EHHADH: variants seen among roughly 807,000 people sequenced by gnomAD.
EHHADH encodes the protein enoyl-CoA hydratase and 3-hydroxyacyl CoA dehydrogenase.
In EHHADH, 48 loss-of-function variants were observed where a neutral mutation model predicts 64.4. The observed-to-expected ratio is 0.75, with a 90% CI of 0.59 to 0.95. EHHADH has a LOEUF of 0.95. Among genes scored for constraint, EHHADH ranks in the 40% least tolerant of loss-of-function variants. The pLI is 0.00. For synonymous variants in EHHADH, 308 were observed against 326.7 expected (o/e 0.94, Z 0.62); for missense variants, 854 against 876.6 (o/e 0.97, Z 0.33).
At chr3:185,226,004 A>ATATC (rs752592327) in intron 4 of EHHADH, among the ~76,000 whole-genome samples, 2 of 152,112 alleles carry the variant, frequency 1.3e-5, no homozygotes, top group Admixed American at 6.5e-5. Flanking sequence ...CCACCTGTCT[A>ATATC]TATCTATCTA....
chr3:185,206,913 C>A (rs1052828313), intron 5 of EHHADH, among the ~76,000 whole-genome samples: 3 of 151,554 alleles, frequency 2.0e-5, no homozygotes, highest in East Asian at 3.9e-4. Context: ...ACACCCCCCC[C>A]ACCAAATGTT....
chr3:185,195,928 A>G (rs982647976), intron 6 of EHHADH, among the ~76,000 whole-genome samples: 11 of 152,228 alleles, frequency 7.2e-5, no homozygotes, highest in Admixed American at 5.9e-4. Flanking sequence ...AATCTAAAAT[A>G]AAATTAAAAA....
At chr3:185,209,148 A>T (rs1188091681) in intron 5 of EHHADH, among the ~76,000 whole-genome samples, 1 of 152,210 alleles carries the variant, frequency 6.6e-6, no homozygotes, top group Admixed American at 6.5e-5. Flanking sequence ...TAAAACTGTT[A>T]AAGTGTATCT....
intron 4 of EHHADH, among the ~76,000 whole-genome samples, chr3:185,226,650 C>CAAAAAAAAAAAAAAAA (rs59522852): frequency 7.5e-6 from 1 of 133,296 alleles, no homozygotes; most frequent in Admixed American, 7.8e-5. Context: ...ACTCCATCTC[C>CAAAAAAAAAAAAAAAA]AAAAAAAAAA....
rs1254288261 is a variant in EHHADH at position 185,192,524 on chromosome 3, T to C, written c.1874A>G (p.Tyr625Cys). ...ACGGAATGCTTCATTGATAAGTGAA[T>C]ATAAGCAGCGTTCAAGGATCTCATC... is the stretch of plus-strand genomic sequence containing the variant. ...SQDEILERCL[Y>C]SLINEAFRIL... The change falls in exon 7 of 7, where the codon TAT becomes TGT. Residue 625 changes from tyrosine to cysteine, a missense_variant. Coordinates refer to ENST00000231887, the MANE Select transcript of EHHADH (RefSeq NM_001966.4). 4.3e-6 allele frequency: 7 copies of C among 1,614,196 alleles called. No individual in the cohort carries two copies. Among genetic ancestry groups the C allele is most frequent in the Non-Finnish European group, 5.1e-6 (6 of 1,180,032 alleles).
intron 4 of EHHADH, among the ~76,000 whole-genome samples, chr3:185,222,636 T>C (rs1303675141): frequency 5.3e-5 from 8 of 152,230 alleles, no homozygotes; most frequent in Non-Finnish European, 1.2e-4. Context: ...TGTTGTGATA[T>C]CACAAGGCAT....
chr3:185,196,025 C>A (rs975915575), intron 6 of EHHADH, among the ~76,000 whole-genome samples: 1 of 152,180 alleles, frequency 6.6e-6, no homozygotes, highest in African/African-American at 2.4e-5. Flanking sequence ...TCTTTCTTAT[C>A]TCCTCCTTAA....
intron 4 of EHHADH, among the ~76,000 whole-genome samples, chr3:185,223,855 C>G (rs1011606072): frequency 7.2e-5 from 11 of 152,178 alleles, no homozygotes; most frequent in African/African-American, 2.7e-4. Flanking sequence ...GAAAGAGGAG[C>G]AGGACACTGT....
chr3:185,230,041 G>A (rs1719111007), intron 3 of EHHADH, among the ~76,000 whole-genome samples: 1 of 152,096 alleles, frequency 6.6e-6, no homozygotes, highest in South Asian at 2.1e-4. Flanking sequence ...CCAAAGAAGA[G>A]ATACAAATGG....
intron 5 of EHHADH, among the ~76,000 whole-genome samples, chr3:185,213,442 T>C (rs904456722): frequency 2.0e-5 from 3 of 152,158 alleles, no homozygotes; most frequent in Non-Finnish European, 4.4e-5. Flanking sequence ...ATCAAGACAA[T>C]TGCTCTAGCT....
intron 5 of EHHADH, among the ~76,000 whole-genome samples, chr3:185,210,495 G>T (rs756945819): frequency 6.6e-6 from 1 of 151,894 alleles, no homozygotes; most frequent in African/African-American, 2.4e-5. Flanking sequence ...TTAGCCAGGC[G>T]TGGTGGGTGC....
In EHHADH at chr3:185,213,119, C is replaced by CAAAAAAAAAAAAAAAAA. The variant is rs550233979; in HGVS notation, c.568+5000_568+5016dup. ...TGGGTGAAGAAGCAAGACTCTGTCT[C>CAAAAAAAAAAAAAAAAA]AAAAAAAAAAAAAAAAAAAAAAAAA... is the stretch of plus-strand genomic sequence containing the variant. On this transcript the variant is annotated intron_variant, in intron 5 of 6. Coordinates refer to ENST00000231887, the MANE Select transcript of EHHADH (RefSeq NM_001966.4). 1.3e-3 allele frequency among the ~76,000 whole-genome samples: 58 copies of CAAAAAAAAAAAAAAAAA among 43,054 alleles called. 10 individuals are homozygous for CAAAAAAAAAAAAAAAAA. The highest frequency in any genetic ancestry group is 2.6e-3 in the East Asian group (2 of 784). The allele number at this position is 43,054 out of a possible 152,430, so 28.2% of individuals were successfully genotyped here. A position where few individuals can be genotyped will look rare whatever the true frequency, so the allele number is the denominator to read the frequency against.
chr3:185,212,221 A>T (rs1718559827), intron 5 of EHHADH, among the ~76,000 whole-genome samples: 4 of 152,234 alleles, frequency 2.6e-5, no homozygotes, highest in Non-Finnish European at 5.9e-5. Flanking sequence ...TCCCCTCCCT[A>T]GTTTAGCCAA....
In EHHADH at chr3:185,229,489, T is replaced by C; in HGVS notation, c.406A>G (p.Thr136Ala). 1.9e-6 allele frequency: 3 copies of C among 1,576,048 alleles called. No individual in the cohort carries two copies. The highest frequency in any genetic ancestry group is 2.6e-6 in the Non-Finnish European group (3 of 1,158,444). Residue 136 changes from threonine (T) to alanine (A), a missense_variant, in exon 4 of 7, where the codon ACC (threonine) becomes GCC (alanine). Physicochemically the swap from Thr to Ala is moderately conservative, Grantham distance 58. Transcript: ENST00000231887. ...CCAGTGAGTCTGGGGAGAAGCTGGGTTCCTCTTGCACCAGGGAGAAGTCCC... is the reference window on the plus strand; with the variant it reads ...CCAGTGAGTCTGGGGAGAAGCTGGGCTCCTCTTGCACCAGGGAGAAGTCCC... The part of the protein sequence containing the change: ...TLGLLPGARG[T>A]QLLPRLTGVP...
At chr3:185,204,059 G>C (rs1718302663) in intron 6 of EHHADH, among the ~76,000 whole-genome samples, 1 of 150,558 alleles carries the variant, frequency 6.6e-6, no homozygotes, top group Non-Finnish European at 1.5e-5. Flanking sequence ...CTTGAACCTG[G>C]GAGGTGGAGG....
At chr3:185,200,255 T>C (rs1718187516) in intron 6 of EHHADH, among the ~76,000 whole-genome samples, 1 of 152,152 alleles carries the variant, frequency 6.6e-6, no homozygotes, top group Non-Finnish European at 1.5e-5. Context: ...GCATGGAGGA[T>C]TGGTTTTGAA....
In EHHADH at chr3:185,245,885, C is replaced by T. The variant is rs1719581179; in HGVS notation, c.178+2529G>A. 8.9e-6 allele frequency: 10 copies of T among 1,123,504 alleles called. No individual in the cohort carries two copies. In the Admixed American group the frequency reaches 1.1e-4, roughly 12 times the overall value. 69.6% of individuals were successfully genotyped at this position (1,123,504 alleles called of 1,614,324 possible). ...AGCAACCATATCTGGATTCTTTTCC[C>T]TCATGATGTTGAACACACAATTCAG... On this transcript the variant is annotated intron_variant, in intron 2 of 6. Coordinates refer to ENST00000231887, the MANE Select transcript of EHHADH (RefSeq NM_001966.4).
chr3:185,207,813 A>C (rs895424465), intron 5 of EHHADH, among the ~76,000 whole-genome samples: 2 of 152,228 alleles, frequency 1.3e-5, no homozygotes, highest in Admixed American at 1.3e-4. Flanking sequence ...AGAAAATATA[A>C]TTGGCACATC....
chr3:185,238,040 G>A (rs1005095485), intron 2 of EHHADH, among the ~76,000 whole-genome samples: 9 of 151,976 alleles, frequency 5.9e-5, no homozygotes, highest in Admixed American at 1.3e-4. Context: ...GAGAATATGC[G>A]GTATTTGATT....
Sources: allele counts gnomAD v4.1 joint callset (sites outside exome capture counted in the v4.1 genomes callset), GRCh38; gene constraint gnomAD v4.1.1; transcripts MANE v1.5; gene names NCBI Gene and HGNC (gene_info 2026-07-23, HGNC 2026-07-21).